The following PKNOX2 variants were observed in gnomAD, a reference collection of about 807,000 sequenced individuals.
PKNOX2 encodes homeobox protein PKNOX2.
In PKNOX2, 14 loss-of-function variants were observed where a neutral mutation model predicts 53.1. The observed-to-expected ratio is 0.26, with a 90% CI of 0.17 to 0.41. The LOEUF (loss-of-function observed/expected upper bound fraction) is 0.41, where lower values mean the gene tolerates loss of function less well. PKNOX2 is among the 10% of genes least tolerant of loss of function. The probability of loss-of-function intolerance (pLI) is 1.00; values close to 1 mark genes in which losing one functional copy is unlikely to be tolerated. For synonymous variants in PKNOX2, 257 were observed against 242.8 expected (o/e 1.06, Z -0.54); for missense variants, 496 against 602.8 (o/e 0.82, Z 1.85).
intron 2 of PKNOX2, among the ~76,000 whole-genome samples, chr11:125,301,395 G>A (rs1426791022): frequency 2.0e-5 from 3 of 151,790 alleles, no homozygotes; most frequent in Non-Finnish European, 4.4e-5. Flanking sequence ...TCCCAAGCAG[G>A]GTAGACTTCT....
chr11:125,279,375 G>C (rs1208300802), intron 2 of PKNOX2, among the ~76,000 whole-genome samples: 1 of 152,186 alleles, frequency 6.6e-6, no homozygotes, highest in Non-Finnish European at 1.5e-5. Context: ...GGGAACATCA[G>C]ACTGGATCTG....
intron 10 of PKNOX2, among the ~76,000 whole-genome samples, chr11:125,415,989 A>G (rs750796704): frequency 2.6e-5 from 4 of 152,210 alleles, no homozygotes; most frequent in Non-Finnish European, 5.9e-5. Context: ...TGTAACATCT[A>G]TAAATTCCAC....
rs146122097 is a variant in PKNOX2, at chr11:125,231,341, G to A, written c.-200-3704G>A. 1.3e-4 allele frequency among the ~76,000 whole-genome samples: 20 copies of A among 152,190 alleles called. 1 individual carries two copies. The East Asian group carries it at 2.5e-3, about 19-fold the overall frequency. On this transcript the variant is annotated intron_variant, in intron 1 of 12. Coordinates refer to ENST00000298282, the MANE Select transcript of PKNOX2 (RefSeq NM_001382323.2). Reference sequence around the variant, plus strand: ...GAAGCTTTCTTCTATCCCTCTCCCCGCCTCTTTTCCAAATAAGCATGACCA... The same window carrying A: ...GAAGCTTTCTTCTATCCCTCTCCCCACCTCTTTTCCAAATAAGCATGACCA...
At chr11:125,428,880 C>A (rs1007317203) in intron 10 of PKNOX2, 132 bp from the exon 11 acceptor site, 3 of 841,852 alleles carry the variant, frequency 3.6e-6, no homozygotes, top group Non-Finnish European at 5.7e-6. Flanking sequence ...AAACATGACA[C>A]TTCCCCAATT....
At chr11:125,354,826 T>C (rs1029365582) in intron 4 of PKNOX2, among the ~76,000 whole-genome samples, 1 of 152,234 alleles carries the variant, frequency 6.6e-6, no homozygotes, top group African/African-American at 2.4e-5. Context: ...CTCGTGCTAT[T>C]TGGGCACAAG....
intron 5 of PKNOX2, among the ~76,000 whole-genome samples, chr11:125,383,235 A>G (rs1365892582): frequency 1.3e-5 from 2 of 152,124 alleles, no homozygotes; most frequent in African/African-American, 4.8e-5. Context: ...TACAAATACC[A>G]TGTAAGCTAG....
chr11:125,303,153 T>A (rs1250277272), intron 2 of PKNOX2, among the ~76,000 whole-genome samples: 1 of 152,218 alleles, frequency 6.6e-6, no homozygotes, highest in Non-Finnish European at 1.5e-5. Context: ...AAACCTGACC[T>A]GCAGCTGGGA....
rs79205544 is a variant in PKNOX2 at position 125,167,467 on chromosome 11, C to A, written c.-201+2691C>A. On this transcript the variant is annotated intron_variant, in intron 1 of 12. Transcript: ENST00000298282. The stretch of plus-strand genomic sequence containing the variant: ...GCTGAGAGCCCGAGGGGGGAGGGAG[C>A]CGTGACCCCACGGAGACTCCCTGGT... Among the ~76,000 whole-genome samples the A allele has an allele frequency of 3.7e-3, 568 of 152,288 alleles. 4 individuals are homozygous for A. Among genetic ancestry groups the A allele is most frequent in the African/African-American group, 0.013 (527 of 41,566 alleles).
Position 125,431,455 on chromosome 11 carries a change from G to A in PKNOX2, c.*63G>A. ...AGGAGTGTCGCCGGGAGGCCTTCAG[G>A]GTGGGGGGGAAGGGGACATGGGCAG... On this transcript the variant is annotated 3_prime_UTR_variant, in exon 13 of 13. Transcript: ENST00000298282. The A allele has an allele frequency of 4.2e-6, 3 of 718,236 alleles. No homozygotes were observed. Among genetic ancestry groups the A allele is most frequent in the East Asian group, 1.1e-4 (2 of 17,734 alleles). The allele number at this position is 718,236 out of a possible 1,614,324, so 44.5% of individuals were successfully genotyped here. A position where few individuals can be genotyped will look rare whatever the true frequency, so the allele number is the denominator to read the frequency against.
At chr11:125,309,113 G>A (rs1053386089) in intron 2 of PKNOX2, among the ~76,000 whole-genome samples, 2 of 145,448 alleles carry the variant, frequency 1.4e-5, no homozygotes, top group Admixed American at 1.3e-4. Flanking sequence ...TTCAGCCTGA[G>A]ATCACAATTA....
intron 1 of PKNOX2, among the ~76,000 whole-genome samples, chr11:125,198,972 C>G (rs114397279): frequency 0.02 from 3,042 of 152,010 alleles, 95 homozygotes; most frequent in African/African-American, 0.068. Context: ...TCCTGTGTAG[C>G]TGGGGTTACA....
intron 10 of PKNOX2, among the ~76,000 whole-genome samples, chr11:125,427,249 A>G (rs1482834513): frequency 6.6e-6 from 1 of 152,204 alleles, no homozygotes; most frequent in African/African-American, 2.4e-5. Flanking sequence ...CTCCTTCCCA[A>G]TTAGAATGAA....
intron 4 of PKNOX2, among the ~76,000 whole-genome samples, chr11:125,362,558 A>G (rs534816274): frequency 7.8e-4 from 119 of 152,062 alleles, no homozygotes; most frequent in Middle Eastern, 3.4e-3. Flanking sequence ...TTTTGCAGAG[A>G]TGGGTTCTTG....
intron 10 of PKNOX2, among the ~76,000 whole-genome samples, chr11:125,418,379 T>C (rs186792660): frequency 2.6e-5 from 4 of 152,218 alleles, no homozygotes; most frequent in Non-Finnish European, 5.9e-5. Flanking sequence ...CTTTCACTTC[T>C]TGGCTCATAA....
At chr11:125,287,621 C>G (rs530201971) in intron 2 of PKNOX2, 1 of 152,122 alleles carries the variant, frequency 6.6e-6, no homozygotes, top group Non-Finnish European at 1.5e-5. Flanking sequence ...TGGAGCAACA[C>G]GTGGTGTTGG....
At position 125,367,996 on chromosome 11, in the gene PKNOX2, C is replaced by G; in HGVS notation, c.227+11C>G. ...GCGAGCTGTATACAGGTAGGAGACA[C>G]TTCAGCTGTGTCTACAGCCCTCAAC... On this transcript the variant is annotated intron_variant, in intron 5 of 12. Transcript: ENST00000298282. 5.0e-6 allele frequency: 8 copies of G among 1,610,192 alleles called. No individual in the cohort carries two copies. Among genetic ancestry groups the G allele is most frequent in the Non-Finnish European group, 6.8e-6 (8 of 1,178,318 alleles).
At chr11:125,390,823 G>C (rs1198924461) in intron 6 of PKNOX2, among the ~76,000 whole-genome samples, 1 of 152,190 alleles carries the variant, frequency 6.6e-6, no homozygotes, top group African/African-American at 2.4e-5. Flanking sequence ...ACTCCAAAAT[G>C]ATTTGACTTG....
chr11:125,289,130 A>G (rs1947132239), intron 2 of PKNOX2, among the ~76,000 whole-genome samples: 1 of 152,214 alleles, frequency 6.6e-6, no homozygotes, highest in African/African-American at 2.4e-5. Context: ...GGGCAGTGGC[A>G]GGAAATCCTC....
intron 7 of PKNOX2, among the ~76,000 whole-genome samples, chr11:125,408,223 A>T (rs536624214): frequency 1.3e-5 from 2 of 152,268 alleles, no homozygotes; most frequent in Non-Finnish European, 2.9e-5. Flanking sequence ...CAGGGAGGGG[A>T]AATGTGTGGC....
Sources: allele counts gnomAD v4.1 joint callset (sites outside exome capture counted in the v4.1 genomes callset), GRCh38; gene constraint gnomAD v4.1.1; transcripts MANE v1.5; gene names NCBI Gene and HGNC (gene_info 2026-07-23, HGNC 2026-07-21).